ARID2: variants seen among roughly 807,000 people sequenced by gnomAD.
The protein encoded by ARID2 is AT-rich interactive domain-containing protein 2.
In ARID2, 32 loss-of-function variants were observed where a neutral mutation model predicts 184.6. That is an observed-to-expected ratio of 0.17 (90% confidence interval 0.13 to 0.23). The LOEUF (loss-of-function observed/expected upper bound fraction) is 0.23. ARID2 is among the 10% of genes least tolerant of loss of function. ARID2 has a pLI of 1.00. For synonymous variants in ARID2, 836 were observed against 772.6 expected, an observed-to-expected ratio of 1.08 and a Z score of -1.36; for missense variants, 1,696 against 2,197.6, an observed-to-expected ratio of 0.77 and a Z score of 4.56.
Position 45,729,784 on chromosome 12 carries a change from G to A in ARID2, c.-53G>A. On this transcript the variant is annotated 5_prime_UTR_variant, in exon 1 of 21. Transcript: ENST00000334344. ...CTGGTAGGAAGCGCTGGGAGCGGGGGGCGCTTTTAAAACACCGATCTGGGT... is the reference window on the plus strand; with the variant it reads ...CTGGTAGGAAGCGCTGGGAGCGGGGAGCGCTTTTAAAACACCGATCTGGGT... The A allele has an allele frequency of 6.6e-7, 1 of 1,510,566 alleles. No homozygotes were observed. The highest frequency in any genetic ancestry group is 1.9e-5 in the Admixed American group (1 of 51,330). 93.6% of individuals were successfully genotyped at this position (1,510,566 alleles called of 1,614,324 possible). A position where few individuals can be genotyped will look rare whatever the true frequency, so the allele number is the denominator to read the frequency against.
chr12:45,860,075 G>T (rs1285198667), intron 15 of ARID2, among the ~76,000 whole-genome samples: 4 of 152,144 alleles, frequency 2.6e-5, no homozygotes, highest in African/African-American at 7.2e-5. Context: ...TAGACTGGGG[G>T]CTGGATGTGG....
At chr12:45,831,766 G>C (rs1943127710) in intron 6 of ARID2, among the ~76,000 whole-genome samples, 1 of 152,090 alleles carries the variant, frequency 6.6e-6, no homozygotes, top group Non-Finnish European at 1.5e-5. Flanking sequence ...CTGTAATTAT[G>C]AATGTTTATA....
chr12:45,798,784 G>A (rs1942439486), intron 3 of ARID2, among the ~76,000 whole-genome samples: 1 of 152,028 alleles, frequency 6.6e-6, no homozygotes, highest in Admixed American at 6.5e-5. Context: ...ACTTATACCT[G>A]TAAATACTTT....
intron 3 of ARID2, 47 bp downstream of exon 3, chr12:45,731,361 T>G (rs751593644): frequency 3.6e-6 from 5 of 1,387,300 alleles, no homozygotes; most frequent in Non-Finnish European, 5.1e-6. Context: ...AAGGGACTTA[T>G]GGAGAGATTT....
chr12:45,755,296 A>C (rs952544719), intron 3 of ARID2, among the ~76,000 whole-genome samples: 4 of 152,214 alleles, frequency 2.6e-5, no homozygotes, highest in African/African-American at 9.7e-5. Flanking sequence ...GGGAACATTA[A>C]TCTTACATTG....
chr12:45,799,651 A>G (rs1259818538), intron 3 of ARID2, among the ~76,000 whole-genome samples: 1 of 152,200 alleles, frequency 6.6e-6, no homozygotes, highest in Non-Finnish European at 1.5e-5. Context: ...ATACTACTGA[A>G]AGTTGACATG....
rs369610372 is a variant in ARID2, at chr12:45,851,770, C to G, written c.3647C>G (p.Thr1216Arg). 1.9e-6 allele frequency: 3 copies of G among 1,614,056 alleles called. No homozygotes were observed. The highest frequency in any genetic ancestry group is 1.7e-6 in the Non-Finnish European group (2 of 1,179,986). Residue 1216 changes from threonine to arginine, a missense_variant, in exon 15 of 21, where the codon ACG (threonine) becomes AGG (arginine). By Grantham distance (71) the Thr-to-Arg change is moderately conservative. This residue lies in a region of ARID2 where 428 missense variants were observed against 409.1 expected (regional missense o/e 1.05). Coordinates refer to ENST00000334344, the MANE Select transcript of ARID2 (RefSeq NM_152641.4). Reference protein sequence around the residue: ...TQTGVGLPVQTLPATQASPAG... With the variant: ...TQTGVGLPVQRLPATQASPAG... ...ACAGGAGTTGGACTTCCAGTACAAA[C>G]GCTTCCAGCCACTCAAGCATCTCCT...
intron 1 of ARID2, 44 bp from the exon 2 acceptor site, chr12:45,730,000 A>C (rs2137959269): frequency 6.2e-7 from 1 of 1,607,160 alleles, no homozygotes; most frequent in Non-Finnish European, 8.5e-7. Flanking sequence ...CGGGCCGGGC[A>C]CGGGGTCCCG....
At chr12:45,849,044 C>T in intron 13 of ARID2, 74 bp downstream of exon 13, 1 of 1,474,094 alleles carries the variant, frequency 6.8e-7, no homozygotes, top group Non-Finnish European at 9.2e-7. Flanking sequence ...AAGAAAATAC[C>T]AAATATCTTA....
chr12:45,739,004 T>A (rs1357722693), intron 3 of ARID2, among the ~76,000 whole-genome samples: 4 of 151,974 alleles, frequency 2.6e-5, no homozygotes, highest in African/African-American at 9.7e-5. Flanking sequence ...GTTTCGCTCT[T>A]GTTACCCAGG....
At chr12:45,740,614 T>C (rs766122495) in intron 3 of ARID2, among the ~76,000 whole-genome samples, 6 of 152,200 alleles carry the variant, frequency 3.9e-5, no homozygotes, top group South Asian at 2.1e-4. Context: ...TGGACAGTTA[T>C]TACATTCAGA....
chr12:45,850,925 A>T lies in ARID2; in HGVS notation c.2802A>T (p.Gln934His). The part of the protein sequence containing the change: ...QSVVIVSQPA[Q>H]QGQTYAPAIH... ...TAGTGATTGTAAGCCAGCCAGCTCA[A>T]CAAGGTCAAACTTATGCACCAGCCA... Residue 934 changes from glutamine to histidine, a missense_variant, in exon 15 of 21, where the codon CAA (glutamine) becomes CAT (histidine). By Grantham distance (24) the Gln-to-His change is conservative. This residue lies in a region of ARID2 where 713 missense variants were observed against 824.4 expected (regional missense o/e 0.86). Coordinates refer to ENST00000334344, the MANE Select transcript of ARID2 (RefSeq NM_152641.4). 1.9e-6 allele frequency: 3 copies of T among 1,614,174 alleles called. No individual in the cohort carries two copies. Among genetic ancestry groups the T allele is most frequent in the Non-Finnish European group, 2.5e-6 (3 of 1,180,016 alleles).
At chr12:45,866,106 A>G (rs1943828354) in intron 16 of ARID2, among the ~76,000 whole-genome samples, 1 of 152,038 alleles carries the variant, frequency 6.6e-6, no homozygotes, top group Non-Finnish European at 1.5e-5. Flanking sequence ...AACTATATAT[A>G]CTGATCTAGA....
chr12:45,876,305 C>T (rs1022785048), intron 16 of ARID2, among the ~76,000 whole-genome samples: 1 of 152,146 alleles, frequency 6.6e-6, no homozygotes, highest in African/African-American at 2.4e-5. Context: ...AATCCCAGCA[C>T]TTTGGGAGGC....
chr12:45,778,454 T>C (rs995767768), intron 3 of ARID2, among the ~76,000 whole-genome samples: 1 of 152,100 alleles, frequency 6.6e-6, no homozygotes, highest in Non-Finnish European at 1.5e-5. Flanking sequence ...TACTTAGTGC[T>C]GTTTTTGATA....
chr12:45,874,959 C>CA (rs1342284590), intron 16 of ARID2, among the ~76,000 whole-genome samples: 3 of 151,902 alleles, frequency 2.0e-5, no homozygotes, highest in Non-Finnish European at 4.4e-5. Flanking sequence ...CTTGTTCCTA[C>CA]AAAAAAAATA....
chr12:45,866,199 C>T (rs1488145605), intron 16 of ARID2, among the ~76,000 whole-genome samples: 1 of 151,968 alleles, frequency 6.6e-6, no homozygotes, highest in Admixed American at 6.6e-5. Flanking sequence ...TTTACTCATT[C>T]TTTGTATTGA....
rs1940934523 is a variant in ARID2, at chr12:45,729,794, A to C, written c.-43A>C. On this transcript the variant is annotated 5_prime_UTR_variant, in exon 1 of 21. The change abolishes the stop of an existing upstream ORF in the 5' untranslated region. Transcript: ENST00000334344. ...GCGCTGGGAGCGGGGGGCGCTTTTA[A>C]AACACCGATCTGGGTTTTTTAAAAA... is the stretch of plus-strand genomic sequence containing the variant. The C allele has an allele frequency of 6.4e-7, 1 of 1,550,662 alleles. No homozygotes were observed. Among genetic ancestry groups the C allele is most frequent in the African/African-American group, 1.4e-5 (1 of 73,104 alleles).
chr12:45,848,835 G>A lies in ARID2; in HGVS notation c.1581-1G>A. On this transcript the variant is annotated splice_acceptor_variant, in intron 12 of 20. Coordinates refer to ENST00000334344, the MANE Select transcript of ARID2 (RefSeq NM_152641.4). LOFTEE classifies it high-confidence loss of function. Reference sequence around the variant, plus strand: ...AATGCTTAATTTTTCTCCTCTTTTAGGCTAAATGCTCATTTTGAAGTAAAT... The same window carrying A: ...AATGCTTAATTTTTCTCCTCTTTTAAGCTAAATGCTCATTTTGAAGTAAAT... The A allele has an allele frequency of 6.2e-7, 1 of 1,609,670 alleles. No homozygotes were observed. Among genetic ancestry groups the A allele is most frequent in the South Asian group, 1.1e-5 (1 of 90,444 alleles).
Sources: allele counts gnomAD v4.1 joint callset (sites outside exome capture counted in the v4.1 genomes callset), GRCh38; gene constraint gnomAD v4.1.1; regional missense constraint gnomAD v4.1.1; transcripts MANE v1.5; gene names NCBI Gene and HGNC (gene_info 2026-07-23, HGNC 2026-07-21).